SLC7A10: variants seen among roughly 807,000 people sequenced by gnomAD.
The protein encoded by SLC7A10 is asc-type amino acid transporter 1.
SLC7A10 carries 30 observed loss-of-function variants against 52.7 expected under a neutral mutation model. The observed-to-expected ratio is 0.57, with a 90% CI of 0.43 to 0.77. The LOEUF (loss-of-function observed/expected upper bound fraction) is 0.77. Among genes scored for constraint, SLC7A10 ranks in the 30% least tolerant of loss-of-function variants. The probability of loss-of-function intolerance (pLI) is 0.00; values close to 1 mark genes in which losing one functional copy is unlikely to be tolerated. For missense variants in SLC7A10, 581 were observed against 698.5 expected, an observed-to-expected ratio of 0.83 and a Z score of 1.90; for synonymous variants, 318 against 314.9, an observed-to-expected ratio of 1.01 and a Z score of -0.10.
chr19:33,217,408 G>A (rs191355119), intron 1 of SLC7A10, among the ~76,000 whole-genome samples: 1 of 152,190 alleles, frequency 6.6e-6, no homozygotes, highest in African/African-American at 2.4e-5. Flanking sequence ...TGCCTGCTGA[G>A]CCCTGAGCTC....
At chr19:33,216,511 A>G (rs1047453716) in intron 1 of SLC7A10, among the ~76,000 whole-genome samples, 1 of 152,228 alleles carries the variant, frequency 6.6e-6, no homozygotes, top group African/African-American at 2.4e-5. Flanking sequence ...GTCCAGACTC[A>G]TGGAGTGGCT....
intron 2 of SLC7A10, among the ~76,000 whole-genome samples, chr19:33,213,281 CTTTTCTT>C (rs1326445186): frequency 1.3e-5 from 2 of 148,778 alleles, no homozygotes; most frequent in Non-Finnish European, 2.9e-5. Context: ...AAACGCTTTT[CTTTTCTT>C]TTTTCTTTTT....
chr19:33,210,328 G>T lies in SLC7A10; in HGVS notation c.1263+139C>A. The T allele has an allele frequency of 1.9e-6, 2 of 1,075,334 alleles. No individual in the cohort carries two copies. Among genetic ancestry groups the T allele is most frequent in the Non-Finnish European group, 2.7e-6 (2 of 746,552 alleles). The allele number at this position is 1,075,334 out of a possible 1,614,324, so 66.6% of individuals were successfully genotyped here. ...GCTGCTATGAGGAATGGCTGCCTCA[G>T]TGCACAGAGAGCCCTGAGCAGGGCC... On this transcript the variant is annotated intron_variant, in intron 9 of 10. Transcript: ENST00000253188. The surrounding 1 kb of genome is among the most constrained non-coding windows in gnomAD (Gnocchi z 5.6).
At position 33,211,235 on chromosome 19, in the gene SLC7A10, T is replaced by G. The variant is rs1159319172; in HGVS notation, c.1006A>C (p.Thr336Pro). 1.2e-6 allele frequency: 2 copies of G among 1,613,614 alleles called. No homozygotes were observed. Among genetic ancestry groups the G allele is most frequent in the East Asian group, 2.2e-5 (1 of 44,828 alleles). ...TFGGINGYLF[T>P]YSRLCFSGAR... ...CCCCAGTGCAGTCACCTGGAGTAGG[T>G]GAACAGGTAACCATTGATCCCTCCG... is the stretch of plus-strand genomic sequence containing the variant. Residue 336 changes from threonine to proline, a missense_variant, in exon 7 of 11, where the codon ACC (threonine) becomes CCC (proline). Physicochemically the swap from Thr to Pro is conservative, Grantham distance 38. Transcript: ENST00000253188.
At chr19:33,211,779 CAG>C in intron 5 of SLC7A10, 1 of 623,426 alleles carries the variant, frequency 1.6e-6, no homozygotes, top group Non-Finnish European at 2.8e-6. Flanking sequence ...ATCCTGAGGA[CAG>C]GGTCTGATGT....
In SLC7A10 at chr19:33,210,760, C is replaced by T; in HGVS notation, c.1113+42G>A. ...CGGAAGGTCCTGCATTGCCGGGTAG[C>T]CCTGCCTCCACGCCCTGCCTGGCCC... On this transcript the variant is annotated intron_variant, in intron 8 of 10. Coordinates refer to ENST00000253188, the MANE Select transcript of SLC7A10 (RefSeq NM_019849.3). The surrounding 1 kb of genome is among the most constrained non-coding windows in gnomAD (Gnocchi z 5.6). The T allele has an allele frequency of 6.2e-7, 1 of 1,610,628 alleles. No homozygotes were observed. Among genetic ancestry groups the T allele is most frequent in the Non-Finnish European group, 8.5e-7 (1 of 1,177,934 alleles).
intron 2 of SLC7A10, 123 bp from the exon 3 acceptor site, chr19:33,213,125 G>A: frequency 7.8e-7 from 1 of 1,283,230 alleles, no homozygotes; most frequent in Non-Finnish European, 1.1e-6. Flanking sequence ...GGCTGCCAGA[G>A]GCCAGCACCG....
intron 5 of SLC7A10, 180 bp from the exon 6 acceptor site, chr19:33,211,717 C>T: frequency 8.6e-7 from 1 of 1,163,916 alleles, no homozygotes; most frequent in Non-Finnish European, 1.2e-6. Flanking sequence ...CTGCCCCACC[C>T]CCACCTGGAC....
chr19:33,214,649 A>G (rs573553690), intron 2 of SLC7A10, among the ~76,000 whole-genome samples: 13 of 152,312 alleles, frequency 8.5e-5, no homozygotes, highest in African/African-American at 3.1e-4. Flanking sequence ...CCATCCTGGG[A>G]TGCTTTCCTC....
chr19:33,208,787 TTC>T lies in SLC7A10; in HGVS notation c.*102_*103del, dbSNP rs1223961212. On this transcript the variant is annotated 3_prime_UTR_variant, in exon 11 of 11. Coordinates refer to ENST00000253188, the MANE Select transcript of SLC7A10 (RefSeq NM_019849.3). This position sits in a 1 kb window ranked among gnomAD's most constrained non-coding sequence, Gnocchi z 4.7. ...CAGGCTTCTGAGAGTCGTATCTTTT[TTC>T]TTTTTTTTCCAGAAAAAAACAAAAC... 4 of 1,512,526 alleles carry T rather than the reference TTC, an allele frequency of 2.6e-6. No homozygotes were observed. In the African/African-American group the frequency reaches 4.1e-5, roughly 16 times the overall value. 93.7% of individuals were successfully genotyped at this position (1,512,526 alleles called of 1,614,324 possible).
At position 33,225,763 on chromosome 19, in the gene SLC7A10, G is replaced by A. The variant is rs1348545702; in HGVS notation, c.-60C>T. Reference sequence around the variant, plus strand: ...GCCCCGTCTGTCCGGCCGGCCGCCCGTCGGTCCGTCGGTCCGTGAGCTCAC... The same window carrying A: ...GCCCCGTCTGTCCGGCCGGCCGCCCATCGGTCCGTCGGTCCGTGAGCTCAC... On this transcript the variant is annotated 5_prime_UTR_variant, in exon 1 of 11. It adds an upstream start codon to the 5' untranslated region. Coordinates refer to ENST00000253188, the MANE Select transcript of SLC7A10 (RefSeq NM_019849.3). 2.1e-6 allele frequency: 3 copies of A among 1,436,690 alleles called. No individual in the cohort carries two copies. Among genetic ancestry groups the A allele is most frequent in the African/African-American group, 1.5e-5 (1 of 66,774 alleles). The allele number at this position is 1,436,690 out of a possible 1,614,324, so 89.0% of individuals were successfully genotyped here.
At chr19:33,216,175 C>T (rs1371138879) in intron 1 of SLC7A10, among the ~76,000 whole-genome samples, 1 of 152,188 alleles carries the variant, frequency 6.6e-6, no homozygotes, top group Non-Finnish European at 1.5e-5. Flanking sequence ...TCATCTGCCC[C>T]TTCCTCAGTC....
intron 1 of SLC7A10, among the ~76,000 whole-genome samples, chr19:33,223,581 C>T (rs1974859369): frequency 6.6e-6 from 1 of 151,748 alleles, no homozygotes; most frequent in African/African-American, 2.4e-5. Context: ...CTATCACCTT[C>T]TGGTTGAGGT....
chr19:33,225,531 C>T lies in SLC7A10; in HGVS notation c.151+22G>A, dbSNP rs1475126075. 5 of 1,595,016 alleles carry T rather than the reference C, an allele frequency of 3.1e-6. No homozygotes were observed. In the East Asian group the frequency reaches 1.1e-4, roughly 36 times the overall value. On this transcript the variant is annotated intron_variant, in intron 1 of 10. Coordinates refer to ENST00000253188, the MANE Select transcript of SLC7A10 (RefSeq NM_019849.3). Reference sequence around the variant, plus strand: ...CCTCATTCGGCCTCCGCCCGGCGCCCGCCCGCCTGGGTCCCGCTCACCGAT... The same window carrying T: ...CCTCATTCGGCCTCCGCCCGGCGCCTGCCCGCCTGGGTCCCGCTCACCGAT...
At chr19:33,222,476 A>C (rs979997370) in intron 1 of SLC7A10, among the ~76,000 whole-genome samples, 4 of 142,788 alleles carry the variant, frequency 2.8e-5, no homozygotes, top group South Asian at 4.3e-4. Context: ...AATAAAATAA[A>C]ATAAAATAAA....
intron 1 of SLC7A10, among the ~76,000 whole-genome samples, chr19:33,222,896 C>G (rs1261136975): frequency 6.6e-6 from 1 of 152,226 alleles, no homozygotes; most frequent in Non-Finnish European, 1.5e-5. Flanking sequence ...AATTCCCAGT[C>G]TGAGCTGGAG....
chr19:33,209,707 C>T (rs989904899), intron 9 of SLC7A10, among the ~76,000 whole-genome samples: 4 of 126,380 alleles, frequency 3.2e-5, no homozygotes, highest in African/African-American at 9.1e-5. Context: ...AAAGTCTCAG[C>T]GGCACCGAGC....
chr19:33,214,970 G>A (rs1974636740), intron 2 of SLC7A10, among the ~76,000 whole-genome samples: 1 of 152,060 alleles, frequency 6.6e-6, no homozygotes, highest in Non-Finnish European at 1.5e-5. Flanking sequence ...AGGGTGCTAA[G>A]GAAAGGAGAC....
At chr19:33,219,889 T>A (rs1264418177) in intron 1 of SLC7A10, 1 of 152,202 alleles carries the variant, frequency 6.6e-6, no homozygotes, top group Non-Finnish European at 1.5e-5. Context: ...ATGCAGGCAT[T>A]CTCTTGATCC....
Sources: gnomAD v4.1 joint callset for allele counts (sites outside exome capture counted in the v4.1 genomes callset) on GRCh38, gnomAD v4.1.1 for gene constraint, Gnocchi (gnomAD v3.1) non-coding constraint, MANE v1.5 for transcripts, NCBI Gene and HGNC (gene_info 2026-07-23, HGNC 2026-07-21) for gene names.